Variants in EMP2 observed in about 807,000 individuals in gnomAD.
The protein encoded by EMP2 is epithelial membrane protein 2.
Under a neutral mutation model 13.7 loss-of-function variants are expected in EMP2, and 19 were observed. The observed-to-expected ratio is 1.38, with a 90% CI of 0.97 to 2.03. The LOEUF (loss-of-function observed/expected upper bound fraction) is 2.03. Among genes scored for constraint, EMP2 ranks in the 30% most tolerant of loss-of-function variants. The pLI is 0.00. For missense variants in EMP2, 253 were observed against 220.7 expected (o/e 1.15, Z -0.93); for synonymous variants, 97 against 84.7 (o/e 1.15, Z -0.80).
intron 3 of EMP2, among the ~76,000 whole-genome samples, chr16:10,540,578 G>A (rs935415358): frequency 6.6e-6 from 1 of 151,700 alleles, no homozygotes; most frequent in South Asian, 2.1e-4. Flanking sequence ...TTCTCCACCA[G>A]CTGCTTTTGT....
At chr16:10,551,763 A>G (rs1352542296) in intron 1 of EMP2, among the ~76,000 whole-genome samples, 1 of 152,042 alleles carries the variant, frequency 6.6e-6, no homozygotes, top group Non-Finnish European at 1.5e-5. Context: ...CCCCTCCTCT[A>G]GTGGACATGC....
chr16:10,558,745 G>A (rs2050850780), intron 1 of EMP2, among the ~76,000 whole-genome samples: 1 of 151,976 alleles, frequency 6.6e-6, no homozygotes, highest in Non-Finnish European at 1.5e-5. Flanking sequence ...GCTTGCTGTT[G>A]CCAAAGGAAG....
chr16:10,540,461 G>A (rs2050686046), intron 3 of EMP2, among the ~76,000 whole-genome samples: 1 of 152,008 alleles, frequency 6.6e-6, no homozygotes, highest in South Asian at 2.1e-4. Context: ...AGCAGAGATT[G>A]CGCCACTGCA....
intron 1 of EMP2, among the ~76,000 whole-genome samples, chr16:10,563,997 G>A (rs995986729): frequency 1.3e-5 from 2 of 152,264 alleles, no homozygotes; most frequent in Admixed American, 6.5e-5. Context: ...TTTTCTTGAA[G>A]TGGCAATGTA....
intron 1 of EMP2, among the ~76,000 whole-genome samples, chr16:10,551,683 A>G (rs2050789381): frequency 6.6e-6 from 1 of 152,244 alleles, no homozygotes; most frequent in South Asian, 2.1e-4. Context: ...CTGGGATTAC[A>G]GACGTGAGCC....
chr16:10,574,618 G>A (rs1191684451), intron 1 of EMP2, among the ~76,000 whole-genome samples: 1 of 151,972 alleles, frequency 6.6e-6, no homozygotes, highest in Non-Finnish European at 1.5e-5. Context: ...CAGTGCAATG[G>A]CACAATCTCG....
chr16:10,575,241 T>TTTTTTTTC (rs2050975697), intron 1 of EMP2, among the ~76,000 whole-genome samples: 1 of 14,468 alleles, frequency 6.9e-5, no homozygotes. Context: ...TGCATTCTTT[T>TTTTTTTTC]TTTTTTTTTT....
chr16:10,580,123 C>T lies in EMP2; in HGVS notation c.-61+426G>A, dbSNP rs2051016890. The stretch of plus-strand genomic sequence containing the variant: ...GGCGGGGGCCTAGAGGGGTACGCAG[C>T]CCAGGAGGACCCGCTGGCCCGGCCT... On this transcript the variant is annotated intron_variant, in intron 1 of 4. Coordinates refer to ENST00000359543, the MANE Select transcript of EMP2 (RefSeq NM_001424.6). The surrounding 1 kb of genome is among the most constrained non-coding windows in gnomAD (Gnocchi z 4.3). Among the ~76,000 whole-genome samples the T allele has an allele frequency of 6.6e-6, 1 of 152,164 alleles. No individual in the cohort carries two copies. Among genetic ancestry groups the T allele is most frequent in the Non-Finnish European group, 1.5e-5 (1 of 68,016 alleles).
At chr16:10,577,486 T>TGGC (rs1190182009) in intron 1 of EMP2, among the ~76,000 whole-genome samples, 2 of 152,166 alleles carry the variant, frequency 1.3e-5, no homozygotes, top group Non-Finnish European at 2.9e-5. Context: ...TTGCATTCTT[T>TGGC]GGCTAACTTC....
At chr16:10,540,859 G>A (rs2050690146) in intron 3 of EMP2, among the ~76,000 whole-genome samples, 1 of 152,084 alleles carries the variant, frequency 6.6e-6, no homozygotes, top group African/African-American at 2.4e-5. Flanking sequence ...TGGGTGAAGT[G>A]GGAGAATCGC....
chr16:10,548,433 G>A (rs551325528), intron 1 of EMP2, among the ~76,000 whole-genome samples: 22 of 152,308 alleles, frequency 1.4e-4, no homozygotes, highest in African/African-American at 5.3e-4. Context: ...GCTCACGCCT[G>A]TAATCTCACC....
At chr16:10,541,015 G>T (rs923361972) in intron 3 of EMP2, among the ~76,000 whole-genome samples, 1 of 152,080 alleles carries the variant, frequency 6.6e-6, no homozygotes, top group African/African-American at 2.4e-5. Context: ...TCGAACCTGG[G>T]GGGCAGAGGT....
intron 3 of EMP2, among the ~76,000 whole-genome samples, chr16:10,538,878 C>G (rs930269391): frequency 1.3e-5 from 2 of 152,118 alleles, no homozygotes; most frequent in East Asian, 3.8e-4. Flanking sequence ...TGTAGTGGCA[C>G]AACCGTAGCT....
chr16:10,567,121 T>A (rs191632770), intron 1 of EMP2, among the ~76,000 whole-genome samples: 21 of 152,294 alleles, frequency 1.4e-4, no homozygotes, highest in African/African-American at 5.1e-4. Context: ...TATCTGCCAT[T>A]TTCTTATGTA....
intron 1 of EMP2, among the ~76,000 whole-genome samples, chr16:10,550,792 T>C (rs981657214): frequency 2.6e-5 from 4 of 152,128 alleles, no homozygotes; most frequent in Non-Finnish European, 4.4e-5. Flanking sequence ...CTGGCCAACG[T>C]AGTGAAACCC....
At chr16:10,549,033 G>T (rs375192685) in intron 1 of EMP2, among the ~76,000 whole-genome samples, 2 of 152,220 alleles carry the variant, frequency 1.3e-5, no homozygotes, top group Non-Finnish European at 2.9e-5. Flanking sequence ...ATGCAGAAGA[G>T]AGCAGGTATG....
intron 1 of EMP2, among the ~76,000 whole-genome samples, chr16:10,560,729 C>A (rs915210361): frequency 1.3e-5 from 2 of 152,134 alleles, no homozygotes; most frequent in African/African-American, 2.4e-5. Context: ...ATGGAAGAAG[C>A]GACACCTGAG....
intron 4 of EMP2, among the ~76,000 whole-genome samples, chr16:10,536,516 G>A (rs1429389613): frequency 1.3e-5 from 2 of 152,124 alleles, no homozygotes; most frequent in Non-Finnish European, 1.5e-5. Flanking sequence ...TCTCTTTCCC[G>A]CTGCCATGTA....
rs2050749537 is a variant in EMP2 at position 10,547,594 on chromosome 16, G to C, written c.24C>G (p.Ile8Met). 1 of 1,614,060 alleles carries C rather than the reference G, an allele frequency of 6.2e-7. No homozygotes were observed. The highest frequency in any genetic ancestry group is 1.3e-5 in the African/African-American group (1 of 74,936). The change falls in exon 2 of 5, where the codon ATC (isoleucine) becomes ATG (methionine). Residue 8 changes from isoleucine to methionine, a missense_variant. Coordinates refer to ENST00000359543, the MANE Select transcript of EMP2 (RefSeq NM_001424.6). ...CTGCAGAGGTGATGTGGAAGGCGAT[G>C]ATGAAAGCAAGAAGCACCAACATTT... is the stretch of plus-strand genomic sequence containing the variant. Reference protein sequence around the residue: MLVLLAFIIAFHITSAAL... With the variant: MLVLLAFMIAFHITSAAL...
Sources: allele counts gnomAD v4.1 joint callset (sites outside exome capture counted in the v4.1 genomes callset), GRCh38; gene constraint gnomAD v4.1.1; non-coding constraint Gnocchi (gnomAD v3.1); transcripts MANE v1.5; gene names NCBI Gene and HGNC (gene_info 2026-07-23, HGNC 2026-07-21).